The following PTCH1 variants were observed in gnomAD, a reference collection of about 807,000 sequenced individuals.
The protein encoded by PTCH1 is protein patched homolog 1.
In PTCH1, 14 loss-of-function variants were observed where a neutral mutation model predicts 144.6. That is an observed-to-expected ratio of 0.10 (90% confidence interval 0.06 to 0.15). The LOEUF is 0.15. Ranked by LOEUF, PTCH1 falls within the 10% of genes least tolerant of loss-of-function variation. PTCH1 has a pLI of 1.00. For missense variants in PTCH1, 1,623 were observed against 1,948.3 expected (o/e 0.83, Z 3.14); for synonymous variants, 833 against 793.6 (o/e 1.05, Z -0.83).
intron 15 of PTCH1, among the ~76,000 whole-genome samples, chr9:95,464,224 A>C (rs1316551722): frequency 5.9e-5 from 9 of 152,166 alleles, no homozygotes; most frequent in Non-Finnish European, 5.9e-5. Flanking sequence ...CTGACTAATC[A>C]CCAAAAAGCT....
intron 1 of PTCH1, chr9:95,516,446 G>T (rs371563902): frequency 2.6e-4 from 358 of 1,399,824 alleles, no homozygotes; most frequent in Non-Finnish European, 3.2e-4. Context: ...GGCGTCGGCG[G>T]CCGCCGCGCT....
chr9:95,482,237 C>T (rs377379088), intron 3 of PTCH1, 34 bp from the exon 4 acceptor site: 1 of 1,592,378 alleles, frequency 6.3e-7, no homozygotes, highest in South Asian at 1.1e-5. Context: ...AAAAATTTCT[C>T]ACTGTAATAA....
intron 7 of PTCH1, 80 bp from the exon 8 acceptor site, chr9:95,479,227 C>A (rs1841340856): frequency 1.7e-5 from 27 of 1,563,760 alleles, no homozygotes; most frequent in Non-Finnish European, 2.4e-5. Context: ...CCAGCCAGCT[C>A]CCCCAACTCA....
chr9:95,475,970 C>A, intron 12 of PTCH1, 64 bp downstream of exon 12: 1 of 1,609,814 alleles, frequency 6.2e-7, no homozygotes, highest in South Asian at 1.1e-5. Context: ...AGACCGCAGA[C>A]ATGGGATGCT....
At chr9:95,503,733 AGGGCCGGGCGCGGTG>A (rs1843315171) in intron 2 of PTCH1, among the ~76,000 whole-genome samples, 2 of 124,078 alleles carry the variant, frequency 1.6e-5, no homozygotes, top group African/African-American at 7.5e-5. Flanking sequence ...AAAACAAAAT[AGGGCCGGGCGCGGTG>A]GCTCACGCCT....
At chr9:95,514,262 T>A (rs1420139310), upstream of PTCH1, 1 of 152,254 alleles carries the variant, frequency 6.6e-6, no homozygotes, top group Non-Finnish European at 1.5e-5. Flanking sequence ...CTCTCATGGA[T>A]AGAGATGTAT....
upstream of PTCH1, among the ~76,000 whole-genome samples, chr9:95,512,302 G>C (rs917789556): frequency 6.6e-6 from 1 of 152,180 alleles, no homozygotes; most frequent in African/African-American, 2.4e-5. Context: ...CAATGGTCCC[G>C]GCCTGTAAAT....
At chr9:95,504,736 C>G (rs1033601355) in intron 2 of PTCH1, among the ~76,000 whole-genome samples, 1 of 152,196 alleles carries the variant, frequency 6.6e-6, no homozygotes, top group Admixed American at 6.5e-5. Flanking sequence ...CTTCCCCTAC[C>G]GTCTCCAGTT....
chr9:95,463,782 G>C (rs1839758768), intron 15 of PTCH1, among the ~76,000 whole-genome samples: 1 of 152,282 alleles, frequency 6.6e-6, no homozygotes, highest in Non-Finnish European at 1.5e-5. Flanking sequence ...GGAGACTGGA[G>C]GGGGCCACCC....
At chr9:95,447,689 C>T (rs566423159) in intron 22 of PTCH1, among the ~76,000 whole-genome samples, 150 of 152,336 alleles carry the variant, frequency 9.8e-4, no homozygotes, top group African/African-American at 3.2e-3. Flanking sequence ...TGGCTGGACA[C>T]GTACTGCTGC....
chr9:95,453,362 C>T lies in PTCH1; in HGVS notation c.3449+116G>A, dbSNP rs1588527796. Reference sequence around the variant, plus strand: ...GCCAGGCTGGTCTTGAACTCCTTGACCTTCTGATCCACCCGCCTCGGCCTC... The same window carrying T: ...GCCAGGCTGGTCTTGAACTCCTTGATCTTCTGATCCACCCGCCTCGGCCTC... On this transcript the variant is annotated intron_variant, in intron 20 of 23. Coordinates refer to ENST00000331920, the MANE Select transcript of PTCH1 (RefSeq NM_000264.5). 9 of 1,491,638 alleles carry T rather than the reference C, an allele frequency of 6.0e-6. No homozygotes were observed. The East Asian group carries it at 2.1e-4, about 34-fold the overall frequency. The allele number at this position is 1,491,638 out of a possible 1,614,324, so 92.4% of individuals were successfully genotyped here.
intron 2 of PTCH1, chr9:95,494,257 C>T: frequency 1.0e-6 from 1 of 985,574 alleles, no homozygotes; most frequent in Non-Finnish European, 1.2e-6. Flanking sequence ...TTCCCTGACG[C>T]AGACCTGCTC....
chr9:95,479,321 T>G (rs1483135380), intron 7 of PTCH1, among the ~76,000 whole-genome samples, 174 bp from the exon 8 acceptor site: 1 of 152,208 alleles, frequency 6.6e-6, no homozygotes, highest in Non-Finnish European at 1.5e-5. Context: ...AATAGATTGA[T>G]GTACCATATT....
chr9:95,447,718 G>A (rs1196917211), intron 22 of PTCH1, among the ~76,000 whole-genome samples: 1 of 152,230 alleles, frequency 6.6e-6, no homozygotes, highest in African/African-American at 2.4e-5. Context: ...AATGTGGGCT[G>A]TGGTCAGAGC....
chr9:95,472,242 C>T (rs766440587), intron 12 of PTCH1, among the ~76,000 whole-genome samples: 7 of 152,172 alleles, frequency 4.6e-5, no homozygotes, highest in East Asian at 1.9e-4. Flanking sequence ...GAGGTTCTCA[C>T]TGCTCTTGAC....
chr9:95,471,897 C>A (rs958884306), intron 12 of PTCH1, among the ~76,000 whole-genome samples: 2 of 152,124 alleles, frequency 1.3e-5, no homozygotes, highest in Admixed American at 1.3e-4. Context: ...GTTAGCCAGG[C>A]GTGGTGGCGC....
chr9:95,467,451 G>T, intron 14 of PTCH1, 26 bp from the exon 15 acceptor site: 2 of 1,609,680 alleles, frequency 1.2e-6, no homozygotes, highest in South Asian at 2.2e-5. Flanking sequence ...CACAAGGTCA[G>T]ACCCCAGGGA....
chr9:95,485,670 C>A lies in PTCH1; in HGVS notation c.584+15G>T. 1 of 1,613,964 alleles carries A rather than the reference C, an allele frequency of 6.2e-7. No homozygotes were observed. The highest frequency in any genetic ancestry group is 8.5e-7 in the Non-Finnish European group (1 of 1,179,900). Reference sequence around the variant, plus strand: ...TACCTGCTGCTCATTAGTAGGTGGACGCGGCGGGCCTTACCTGTTGTACAT... The same window carrying A: ...TACCTGCTGCTCATTAGTAGGTGGAAGCGGCGGGCCTTACCTGTTGTACAT... On this transcript the variant is annotated intron_variant, in intron 3 of 23. Coordinates refer to ENST00000331920, the MANE Select transcript of PTCH1 (RefSeq NM_000264.5).
chr9:95,487,756 T>C (rs1038897883), intron 2 of PTCH1, among the ~76,000 whole-genome samples: 1 of 152,202 alleles, frequency 6.6e-6, no homozygotes, highest in Non-Finnish European at 1.5e-5. Context: ...TCCTCGAACA[T>C]CAGCATGCAC....
Sources: gnomAD v4.1 joint callset for allele counts (sites outside exome capture counted in the v4.1 genomes callset) on GRCh38, gnomAD v4.1.1 for gene constraint, MANE v1.5 for transcripts, NCBI Gene and HGNC (gene_info 2026-07-23, HGNC 2026-07-21) for gene names.